The following RPS6KC1 variants were observed in gnomAD, a reference collection of about 807,000 sequenced individuals.
The protein encoded by RPS6KC1 is inactive ribosomal protein S6 kinase delta-1.
In RPS6KC1, 54 loss-of-function variants were observed where a neutral mutation model predicts 103.8. The ratio of observed to expected loss-of-function variants is 0.52; its 90% CI spans 0.42 to 0.65. The LOEUF is 0.65. Ranked by LOEUF, RPS6KC1 falls within the 30% of genes least tolerant of loss-of-function variation. The pLI is 0.00. For missense variants in RPS6KC1, 1,151 were observed against 1,253.8 expected (o/e 0.92, Z 1.24); for synonymous variants, 439 against 438.7 (o/e 1.00, Z -0.01).
the RPS6KC1 span, among the ~76,000 whole-genome samples, chr1:213,418,868 T>C: frequency 6.6e-6 from 1 of 152,196 alleles, no homozygotes. Flanking sequence ...AGGCAGAGTG[T>C]ACTCAGCTCC....
At chr1:213,509,655 T>A in the RPS6KC1 span, among the ~76,000 whole-genome samples, 1 of 152,208 alleles carries the variant, frequency 6.6e-6, no homozygotes, top group Non-Finnish European at 1.5e-5. Context: ...ACTCTTGGAA[T>A]GTACACATGT....
Position 213,242,183 on chromosome 1 carries a change from G to C in RPS6KC1, c.2707G>C (p.Glu903Gln), listed in dbSNP as rs756205721. The C allele has an allele frequency of 1.7e-5, 27 of 1,613,866 alleles. No homozygotes were observed. In the Admixed American group the frequency reaches 1.8e-4, roughly 11 times the overall value. Residue 903 changes from glutamate to glutamine, a missense_variant, in exon 11 of 15, where the codon GAG (glutamate) becomes CAG (glutamine). Glu to Gln is a conservative substitution (Grantham distance 29). Around this residue, in one of 3 missense-constraint regions of RPS6KC1, gnomAD observed 189 missense variants for 228.8 expected, o/e 0.83. Transcript: ENST00000366960. ...ACTAGCCTCCAGGTTTTACATCCCAGAGGGCTGCATTCAAAGATGGGCAGC... is the reference window on the plus strand; with the variant it reads ...ACTAGCCTCCAGGTTTTACATCCCACAGGGCTGCATTCAAAGATGGGCAGC... Reference protein sequence around the residue: ...LALASRFYIPEGCIQRWAAEM... With the variant: ...LALASRFYIPQGCIQRWAAEM...
the RPS6KC1 span, among the ~76,000 whole-genome samples, chr1:213,358,532 T>G: frequency 4.6e-5 from 7 of 152,220 alleles, no homozygotes; most frequent in East Asian, 1.9e-4. Flanking sequence ...CTTTTCTTCT[T>G]TATTAGTCTT....
the RPS6KC1 span, among the ~76,000 whole-genome samples, chr1:213,549,983 C>T: frequency 9.1e-4 from 139 of 152,026 alleles, 1 homozygote; most frequent in African/African-American, 3.2e-3. Flanking sequence ...AGAGGGGCAT[C>T]AGGGGATAAG....
chr1:213,380,841 T>G, the RPS6KC1 span, among the ~76,000 whole-genome samples: 1 of 152,126 alleles, frequency 6.6e-6, no homozygotes, highest in Non-Finnish European at 1.5e-5. Context: ...TCTGTCCACC[T>G]CTCTCCCTCT....
At chr1:213,350,111 C>T in the RPS6KC1 span, among the ~76,000 whole-genome samples, 3 of 152,272 alleles carry the variant, frequency 2.0e-5, no homozygotes, top group African/African-American at 7.2e-5. Flanking sequence ...TTCATTCTAC[C>T]TGGCTAAAAC....
At chr1:213,127,500 T>G (rs772960314) in intron 5 of RPS6KC1, among the ~76,000 whole-genome samples, 29 of 152,242 alleles carry the variant, frequency 1.9e-4, no homozygotes, top group Admixed American at 3.9e-4. Context: ...AAAGCACTTA[T>G]GCAGTTGTTT....
chr1:213,823,716 G>T, the RPS6KC1 span, among the ~76,000 whole-genome samples: 8 of 62,116 alleles, frequency 1.3e-4, no homozygotes, highest in African/African-American at 7.6e-4. Context: ...CTTGGTGTTG[G>T]CTATCACAGC....
chr1:213,838,980 T>C, the RPS6KC1 span, among the ~76,000 whole-genome samples: 1 of 152,230 alleles, frequency 6.6e-6, no homozygotes, highest in Non-Finnish European at 1.5e-5. Flanking sequence ...TTTAGCAATA[T>C]GGTGTCTGTA....
chr1:213,073,303 G>T (rs75474915), intron 2 of RPS6KC1, among the ~76,000 whole-genome samples: 1 of 152,242 alleles, frequency 6.6e-6, no homozygotes, highest in South Asian at 2.1e-4. Flanking sequence ...TTAACAAAAT[G>T]TAGGGCTAGT....
the RPS6KC1 span, among the ~76,000 whole-genome samples, chr1:213,285,344 C>T: frequency 3.8e-4 from 3 of 7,976 alleles, no homozygotes; most frequent in African/African-American, 2.8e-4. Context: ...TGCTGTCATA[C>T]TGGGGGGTAG....
At chr1:213,624,914 C>T in the RPS6KC1 span, among the ~76,000 whole-genome samples, 4 of 152,056 alleles carry the variant, frequency 2.6e-5, no homozygotes, top group East Asian at 5.8e-4. Context: ...ATTTGAGGGG[C>T]GACATAAACA....
the RPS6KC1 span, among the ~76,000 whole-genome samples, chr1:213,672,368 A>G: frequency 2.6e-5 from 4 of 152,172 alleles, no homozygotes; most frequent in Non-Finnish European, 5.9e-5. Context: ...ACACATTTCA[A>G]TCTGATTCCA....
At chr1:213,320,969 G>A in the RPS6KC1 span, among the ~76,000 whole-genome samples, 2 of 152,142 alleles carry the variant, frequency 1.3e-5, no homozygotes, top group African/African-American at 2.4e-5. Flanking sequence ...GGCCCCTGAC[G>A]GTGTGGGTAG....
At chr1:213,700,594 T>C in the RPS6KC1 span, among the ~76,000 whole-genome samples, 1 of 151,966 alleles carries the variant, frequency 6.6e-6, no homozygotes, top group African/African-American at 2.4e-5. Context: ...CTGTGAAGAA[T>C]GTCATTGGTA....
chr1:213,523,841 G>C, the RPS6KC1 span, among the ~76,000 whole-genome samples: 30 of 152,322 alleles, frequency 2.0e-4, no homozygotes, highest in East Asian at 5.2e-3. Context: ...TTTCACTGAT[G>C]AAAGGGCCTT....
chr1:213,123,484 G>A lies in RPS6KC1; in HGVS notation c.473-6043G>A, dbSNP rs59595887. On this transcript the variant is annotated intron_variant, in intron 5 of 14. Transcript: ENST00000366960. ...TTCAAGGATGAAGCATAATAGACAT[G>A]ACCCAAGAACGTTATAAAAATGTGA... Among the ~76,000 whole-genome samples the A allele has an allele frequency of 9.7e-3, 1,473 of 152,188 alleles. 26 individuals carry two copies. Among genetic ancestry groups the A allele is most frequent in the African/African-American group, 0.034 (1,404 of 41,530 alleles).
chr1:213,853,522 C>T, the RPS6KC1 span, among the ~76,000 whole-genome samples: 1 of 152,208 alleles, frequency 6.6e-6, no homozygotes, highest in Non-Finnish European at 1.5e-5. Flanking sequence ...TGAAGGCATA[C>T]TCCATGCTGT....
the RPS6KC1 span, among the ~76,000 whole-genome samples, chr1:213,862,512 ATTT>A: frequency 6.7e-6 from 1 of 150,018 alleles, no homozygotes; most frequent in African/African-American, 2.5e-5. Context: ...TAAAGCAGCG[ATTT>A]TTTTTTTCTA....
Sources: allele counts gnomAD v4.1 joint callset (sites outside exome capture counted in the v4.1 genomes callset), GRCh38; gene constraint gnomAD v4.1.1; regional missense constraint gnomAD v4.1.1; transcripts MANE v1.5; gene names NCBI Gene and HGNC (gene_info 2026-07-23, HGNC 2026-07-21).